The following ARHGAP6 variants were observed in gnomAD, a reference collection of about 807,000 sequenced individuals.
ARHGAP6 encodes rho GTPase-activating protein 6.
ARHGAP6 carries 16 observed loss-of-function variants against 55.7 expected under a neutral mutation model. The observed-to-expected ratio is 0.29, with a 90% confidence interval of 0.19 to 0.44. The LOEUF is 0.44. ARHGAP6 is among the 20% of genes least tolerant of loss of function. The probability of loss-of-function intolerance (pLI) is 1.00; values close to 1 mark genes in which losing one functional copy is unlikely to be tolerated. For missense variants in ARHGAP6, 698 were observed against 808.9 expected, an observed-to-expected ratio of 0.86 and a Z score of 1.66; for synonymous variants, 382 against 360.9, an observed-to-expected ratio of 1.06 and a Z score of -0.66.
chrX:11,471,218 A>C (rs995756644), intron 1 of ARHGAP6, among the ~76,000 whole-genome samples: 4 of 112,051 alleles, frequency 3.6e-5, no homozygotes, highest in Non-Finnish European at 7.5e-5. Context: ...CATCAATTTA[A>C]AAAGAATGTA....
chrX:11,155,655 C>T (rs1203015934), intron 10 of ARHGAP6, among the ~76,000 whole-genome samples: 2 of 111,734 alleles, frequency 1.8e-5, no homozygotes, highest in East Asian at 2.8e-4. Flanking sequence ...ATGGGAGAAA[C>T]GTATCTTAGA....
intron 1 of ARHGAP6, among the ~76,000 whole-genome samples, chrX:11,276,319 G>C (rs750675476): frequency 9.0e-6 from 1 of 111,611 alleles, no homozygotes; most frequent in Non-Finnish European, 1.9e-5. Context: ...CTAGACTGTA[G>C]GTTCTGGAAG....
Position 11,321,884 on chromosome X carries a change from T to A in ARHGAP6, c.589-67177A>T, listed in dbSNP as rs907859046. Among the ~76,000 whole-genome samples the A allele has an allele frequency of 3.8e-4, 43 of 112,275 alleles. No individual in the cohort carries two copies. The Admixed American group carries it at 4.1e-3, about 11-fold the overall frequency. ...TTAAAAATAAAAAAGAAACGGATCA[T>A]AAATATTACAGCTGCCAGTTTCCTG... On this transcript the variant is annotated intron_variant, in intron 1 of 12. Transcript: ENST00000337414.
intron 2 of ARHGAP6, among the ~76,000 whole-genome samples, chrX:11,198,033 A>C (rs771524595): frequency 8.9e-6 from 1 of 112,280 alleles, no homozygotes; most frequent in African/African-American, 3.2e-5. Flanking sequence ...AAAGAGATTC[A>C]GCCCAATACA....
intron 1 of ARHGAP6, among the ~76,000 whole-genome samples, chrX:11,360,535 C>G (rs930210206): frequency 9.2e-6 from 1 of 109,157 alleles, no homozygotes; most frequent in African/African-American, 3.4e-5. Context: ...CTATGACAAA[C>G]CCACAGCCAA....
chrX:11,366,629 A>G (rs778297063), intron 1 of ARHGAP6, among the ~76,000 whole-genome samples: 2 of 111,704 alleles, frequency 1.8e-5, no homozygotes, highest in Non-Finnish European at 3.8e-5. Context: ...AGAGAAAGCT[A>G]GTTAGCATCA....
chrX:11,452,908 C>G (rs1455155300), intron 1 of ARHGAP6, among the ~76,000 whole-genome samples: 2 of 110,894 alleles, frequency 1.8e-5, no homozygotes, highest in Admixed American at 1.9e-4. Context: ...CTCAGTCTTG[C>G]AGAGTTGTGG....
chrX:11,240,414 G>A (rs2047259589), intron 2 of ARHGAP6, among the ~76,000 whole-genome samples: 1 of 111,958 alleles, frequency 8.9e-6, no homozygotes, highest in Non-Finnish European at 1.9e-5. Flanking sequence ...GCAATGCTCT[G>A]GTTTAAGAGT....
intron 1 of ARHGAP6, among the ~76,000 whole-genome samples, chrX:11,553,010 AT>A (rs2051286508): frequency 1.3e-4 from 14 of 111,172 alleles, no homozygotes; most frequent in African/African-American, 4.6e-4. Flanking sequence ...ATGTGAGGTA[AT>A]GCATATGTTA....
intron 1 of ARHGAP6, among the ~76,000 whole-genome samples, chrX:11,399,354 C>CAAAAAAAAAAAAAA (rs56197001): frequency 3.7e-4 from 13 of 35,280 alleles, no homozygotes; most frequent in Admixed American, 1.7e-3. Context: ...AATAAGCAAT[C>CAAAAAAAAAAAAAA]AAAAAAAAAA....
chrX:11,273,095 C>T, intron 1 of ARHGAP6, among the ~76,000 whole-genome samples: 1 of 110,632 alleles, frequency 9.0e-6, no homozygotes, highest in Admixed American at 9.6e-5. Flanking sequence ...GTTTTGATTG[C>T]TTTTTCCCTA....
At chrX:11,599,550 T>A (rs1201157544) in intron 1 of ARHGAP6, among the ~76,000 whole-genome samples, 1 of 111,957 alleles carries the variant, frequency 8.9e-6, no homozygotes, top group Non-Finnish European at 1.9e-5. Flanking sequence ...CTACATAATA[T>A]CACTTATATG....
intron 1 of ARHGAP6, among the ~76,000 whole-genome samples, chrX:11,607,448 T>C (rs2052048646): frequency 8.9e-6 from 1 of 112,006 alleles, no homozygotes; most frequent in African/African-American, 3.2e-5. Flanking sequence ...TACAGCACAA[T>C]AGTTGATTCC....
At chrX:11,492,196 C>A (rs2050578475) in intron 1 of ARHGAP6, among the ~76,000 whole-genome samples, 1 of 108,388 alleles carries the variant, frequency 9.2e-6, no homozygotes, top group Non-Finnish European at 1.9e-5. Context: ...TTTTGCTGTG[C>A]AGAAGCTCTT....
At chrX:11,477,044 T>C (rs774533831) in intron 1 of ARHGAP6, among the ~76,000 whole-genome samples, 1 of 109,761 alleles carries the variant, frequency 9.1e-6, no homozygotes, top group Admixed American at 9.7e-5. Flanking sequence ...AGACATAGAC[T>C]AGGAAAAAAA....
intron 1 of ARHGAP6, among the ~76,000 whole-genome samples, chrX:11,328,170 A>C (rs1292768316): frequency 8.9e-6 from 1 of 112,406 alleles, no homozygotes; most frequent in African/African-American, 3.2e-5. Flanking sequence ...TCGTGAAGGA[A>C]GGTAAAATGT....
At chrX:11,560,470 T>C (rs1460499091) in intron 1 of ARHGAP6, among the ~76,000 whole-genome samples, 1 of 112,396 alleles carries the variant, frequency 8.9e-6, no homozygotes, top group African/African-American at 3.2e-5. Context: ...AAAGCCTATG[T>C]AGGACATTTG....
chrX:11,620,287 T>G (rs2052212857), intron 1 of ARHGAP6, among the ~76,000 whole-genome samples: 2 of 112,161 alleles, frequency 1.8e-5, no homozygotes, highest in Non-Finnish European at 3.8e-5. Flanking sequence ...AAAAACAAAC[T>G]TTTTTTGAAA....
intron 3 of ARHGAP6, among the ~76,000 whole-genome samples, chrX:11,193,372 G>A (rs956549580): frequency 8.9e-6 from 1 of 112,405 alleles, no homozygotes. Context: ...ATGCTAATAC[G>A]CAACTGGAAG....
Sources: gnomAD v4.1 joint callset for allele counts (sites outside exome capture counted in the v4.1 genomes callset) on GRCh38, gnomAD v4.1.1 for gene constraint, MANE v1.5 for transcripts, NCBI Gene and HGNC (gene_info 2026-07-23, HGNC 2026-07-21) for gene names.